ACAA1: variants seen among roughly 807,000 people sequenced by gnomAD.
The protein encoded by ACAA1 is 3-ketoacyl-CoA thiolase, peroxisomal.
ACAA1 carries 44 observed loss-of-function variants against 48.8 expected under a neutral mutation model. The ratio of observed to expected loss-of-function variants is 0.90; its 90% confidence interval spans 0.71 to 1.16. The LOEUF is 1.16. ACAA1 is among the 50% of genes most tolerant of loss of function. The probability of loss-of-function intolerance (pLI) is 0.00; values close to 1 mark genes in which losing one functional copy is unlikely to be tolerated. For missense variants in ACAA1, 512 were observed against 562.3 expected (o/e 0.91, Z 0.90); for synonymous variants, 233 against 226.5 (o/e 1.03, Z -0.26).
chr3:38,134,325 T>A (rs1280838535), intron 2 of ACAA1: 1 of 446,478 alleles, frequency 2.2e-6, no homozygotes, highest in Non-Finnish European at 4.1e-6. Context: ...AAAATGCACA[T>A]CTCCCCAGGT....
In ACAA1 at chr3:38,131,938, C is replaced by A. The variant is rs953132629; in HGVS notation, c.391G>T (p.Ala131Ser). Residue 131 changes from alanine (A) to serine (S), a missense_variant, in exon 4 of 12, where the codon GCC becomes TCC. Ala to Ser is a moderately conservative substitution (Grantham distance 99). Transcript: ENST00000333167. ...AGTCATAACTTACCTGCTATGCTGGCCACTGCCTGTAGCCCCGACGAACAC... is the reference window on the plus strand; with the variant it reads ...AGTCATAACTTACCTGCTATGCTGGACACTGCCTGTAGCCCCGACGAACAC... ...RQCSSGLQAV[A>S]SIAGGIRNGS... 6.7e-5 allele frequency: 108 copies of A among 1,613,818 alleles called. No homozygotes were observed. The highest frequency in any genetic ancestry group is 8.5e-5 in the Non-Finnish European group (100 of 1,179,836).
At chr3:38,123,356 A>G (rs1294327119) in intron 11 of ACAA1, 8 of 537,466 alleles carry the variant, frequency 1.5e-5, no homozygotes, top group Non-Finnish European at 2.7e-5. Context: ...ATGCCCCTAC[A>G]TCCTAAGTTC....
intron 4 of ACAA1, 60 bp downstream of exon 4, chr3:38,131,866 G>A (rs866657453): frequency 2.2e-5 from 33 of 1,498,180 alleles, no homozygotes; most frequent in Middle Eastern, 3.5e-4. Context: ...GGCAGACAGC[G>A]ACTTTGCTGA....
Position 38,126,572 on chromosome 3 carries a change from G to A in ACAA1, c.755C>T (p.Thr252Ile). 2 of 1,614,206 alleles carry A rather than the reference G, an allele frequency of 1.2e-6. No individual in the cohort carries two copies. The highest frequency in any genetic ancestry group is 1.1e-5 in the South Asian group (1 of 91,084). Residue 252 changes from threonine to isoleucine, a missense_variant, in exon 8 of 12, where the codon ACC (threonine) becomes ATC (isoleucine). Physicochemically the swap from Thr to Ile is moderately conservative, Grantham distance 89 (BLOSUM62 -1). Transcript: ENST00000333167. The surrounding 1 kb of genome is among the most constrained non-coding windows in gnomAD (Gnocchi z 4.7). Reference protein sequence around the residue: ...VTQDEGIRPSTTMEGLAKLKP... With the variant: ...VTQDEGIRPSITMEGLAKLKP... ...CAGTTTGGCCAGGCCCTCCATGGTG[G>A]TGCTGGGGCGGATACCCTCATCCTG...
chr3:38,131,651 C>G lies in ACAA1; in HGVS notation c.404-13G>C. The G allele has an allele frequency of 6.2e-7, 1 of 1,614,154 alleles. No homozygotes were observed. The highest frequency in any genetic ancestry group is 1.6e-4 in the Middle Eastern group (1 of 6,062). On this transcript the variant is annotated splice_polypyrimidine_tract_variant and intron_variant, in intron 4 of 11. Coordinates refer to ENST00000333167, the MANE Select transcript of ACAA1 (RefSeq NM_001607.4). ...TTTCTGATGCCACCTGTAACAAAAGCATTTCATAAACATCCTTTGCCAGAG... is the reference window on the plus strand; with the variant it reads ...TTTCTGATGCCACCTGTAACAAAAGGATTTCATAAACATCCTTTGCCAGAG...
At chr3:38,131,036 C>G (rs953765937) in intron 5 of ACAA1, among the ~76,000 whole-genome samples, 1 of 152,212 alleles carries the variant, frequency 6.6e-6, no homozygotes, top group Non-Finnish European at 1.5e-5. Flanking sequence ...TTCTGCAGCT[C>G]CATTTGCTGC....
At chr3:38,127,720 C>G in intron 7 of ACAA1, 66 bp downstream of exon 7, 1 of 1,541,778 alleles carries the variant, frequency 6.5e-7, no homozygotes, top group Non-Finnish European at 9.0e-7. Context: ...CCACTTCAGA[C>G]CACTTAGATA....
chr3:38,132,275 C>T (rs942650320), intron 3 of ACAA1: 2 of 244,838 alleles, frequency 8.2e-6, no homozygotes, highest in Non-Finnish European at 1.6e-5. Flanking sequence ...AGACCAAGCA[C>T]AGCCCAAAGG....
chr3:38,129,000 G>C (rs1239504007), intron 6 of ACAA1, among the ~76,000 whole-genome samples: 2 of 152,188 alleles, frequency 1.3e-5, no homozygotes, highest in Non-Finnish European at 2.9e-5. Flanking sequence ...GGCCCCCAAG[G>C]CTTTGGAGTG....
chr3:38,136,431 T>A (rs186719341), intron 2 of ACAA1, among the ~76,000 whole-genome samples, 161 bp downstream of exon 2: 1 of 152,276 alleles, frequency 6.6e-6, no homozygotes, highest in Admixed American at 6.5e-5. Flanking sequence ...TCTCCTCCCA[T>A]CTGACGAGAA....
chr3:38,133,894 C>A, intron 3 of ACAA1, 58 bp downstream of exon 3: 1 of 1,575,058 alleles, frequency 6.3e-7, no homozygotes, highest in African/African-American at 1.3e-5. Flanking sequence ...TTTCCTGGGG[C>A]CTGGGCCCAG....
chr3:38,131,522 T>A lies in ACAA1; in HGVS notation c.446+74A>T, dbSNP rs567686802. The A allele has an allele frequency of 5.5e-5, 82 of 1,501,678 alleles. 1 individual carries two copies. The highest frequency in any genetic ancestry group is 9.3e-7 in the Non-Finnish European group (1 of 1,077,612). The allele number at this position is 1,501,678 out of a possible 1,614,324, so 93.0% of individuals were successfully genotyped here. A position where few individuals can be genotyped will look rare whatever the true frequency, so the allele number is the denominator to read the frequency against. ...TGGGGGGAATCCTGAAATCATGGCC[T>A]CTGAGAACTCAGATGAAAATTAGTT... On this transcript the variant is annotated intron_variant, in intron 5 of 11. Coordinates refer to ENST00000333167, the MANE Select transcript of ACAA1 (RefSeq NM_001607.4).
At position 38,129,679 on chromosome 3, in the gene ACAA1, C is replaced by G. The variant is rs1370339868; in HGVS notation, c.447-291G>C. Among the ~76,000 whole-genome samples the G allele has an allele frequency of 6.6e-6, 1 of 152,236 alleles. No homozygotes were observed. The highest frequency in any genetic ancestry group is 2.4e-5 in the African/African-American group (1 of 41,458). The stretch of plus-strand genomic sequence containing the variant: ...TGCTAAATCAGCCAACTGGCAATTC[C>G]AGAGAAAAGCCTTCTGCTGTCAGCC... On this transcript the variant is annotated intron_variant, in intron 5 of 11. Transcript: ENST00000333167. This position sits in a 1 kb window ranked among gnomAD's most constrained non-coding sequence, Gnocchi z 5.3.
At chr3:38,124,951 C>T (rs1006189842) in intron 11 of ACAA1, 1 of 152,234 alleles carries the variant, frequency 6.6e-6, no homozygotes, top group African/African-American at 2.4e-5. Context: ...CAGATGCACA[C>T]ACTAACCTCC....
In ACAA1 at chr3:38,126,301, C is replaced by G; in HGVS notation, c.858G>C (p.Leu286=). Reference sequence around the variant, plus strand: ...CTTCTGCCTTGGACCTCCGGGCCAGCAGGATGGCAGCTGCCCCATCACTCA... The same window carrying G: ...CTTCTGCCTTGGACCTCCGGGCCAGGAGGATGGCAGCTGCCCCATCACTCA... ...SQVSDGAAAI[L]LARRSKAEEL... The change falls in exon 9 of 12, where the codon CTG becomes CTC. Residue 286 remains leucine, a synonymous_variant. Transcript: ENST00000333167. This position sits in a 1 kb window ranked among gnomAD's most constrained non-coding sequence, Gnocchi z 4.7. The G allele has an allele frequency of 1.9e-6, 3 of 1,614,096 alleles. No individual in the cohort carries two copies. Among genetic ancestry groups the G allele is most frequent in the Middle Eastern group, 1.6e-4 (1 of 6,062 alleles).
intron 6 of ACAA1, 78 bp from the exon 7 acceptor site, chr3:38,127,944 G>A: frequency 2.0e-6 from 3 of 1,490,054 alleles, no homozygotes; most frequent in Non-Finnish European, 2.8e-6. Context: ...AGCTGTGCTT[G>A]GAACTTTGGG....
At chr3:38,130,708 G>C (rs1700769195) in intron 5 of ACAA1, among the ~76,000 whole-genome samples, 1 of 152,264 alleles carries the variant, frequency 6.6e-6, no homozygotes, top group African/African-American at 2.4e-5. Context: ...AAGAGCATGA[G>C]AGAAATCAAA....
intron 2 of ACAA1, chr3:38,134,541 C>T: frequency 2.2e-6 from 1 of 455,754 alleles, no homozygotes; most frequent in Non-Finnish European, 4.4e-6. Flanking sequence ...ACATAAGAAA[C>T]TCCATGTTGA....
Position 38,126,648 on chromosome 3 carries a change from T to G in ACAA1, c.679A>C (p.Thr227Pro), listed in dbSNP as rs1227915482. The change falls in exon 8 of 12, where the codon ACC (threonine) becomes CCC (proline). Residue 227 changes from threonine to proline, a missense_variant. Thr to Pro is a conservative substitution (Grantham distance 38, BLOSUM62 -1). Transcript: ENST00000333167. The surrounding 1 kb of genome is among the most constrained non-coding windows in gnomAD (Gnocchi z 4.7). ...CCCTTGTCATCATGGACCGTGGTGG[T>G]CACAGGCACAATCTCAGCTTGGAAA... ...GCFQAEIVPV[T>P]TTVHDDKGTK... The G allele has an allele frequency of 6.2e-7, 1 of 1,614,144 alleles. No homozygotes were observed.
Sources: gnomAD v4.1 joint callset for allele counts (sites outside exome capture counted in the v4.1 genomes callset) on GRCh38, gnomAD v4.1.1 for gene constraint, Gnocchi (gnomAD v3.1) non-coding constraint, MANE v1.5 for transcripts, NCBI Gene and HGNC (gene_info 2026-07-23, HGNC 2026-07-21) for gene names.